Variants in LYPD6 observed in about 807,000 individuals in gnomAD.
LYPD6 encodes the protein ly6/PLAUR domain-containing protein 6.
Under a neutral mutation model 22.7 loss-of-function variants are expected in LYPD6, and 15 were observed. The observed-to-expected ratio is 0.66, with a 90% CI of 0.44 to 1.02. The LOEUF (loss-of-function observed/expected upper bound fraction) is 1.02, where lower values mean the gene tolerates loss of function less well. LYPD6 is among the 50% of genes least tolerant of loss of function. The probability of loss-of-function intolerance (pLI) is 0.00; values close to 1 mark genes in which losing one functional copy is unlikely to be tolerated. For missense variants in LYPD6, 189 were observed against 208.4 expected, an observed-to-expected ratio of 0.91 and a Z score of 0.57; for synonymous variants, 72 against 77.5, an observed-to-expected ratio of 0.93 and a Z score of 0.37.
At chr2:149,482,622 A>C in the LYPD6 span, among the ~76,000 whole-genome samples, 1 of 152,126 alleles carries the variant, frequency 6.6e-6, no homozygotes. Flanking sequence ...TATTCCAATA[A>C]AGTTTTATGT....
intron 1 of LYPD6, among the ~76,000 whole-genome samples, chr2:149,408,754 G>A (rs960956663): frequency 6.6e-6 from 1 of 152,120 alleles, no homozygotes; most frequent in Admixed American, 6.5e-5. Context: ...ATTTACAGAA[G>A]GTGTGATTGT....
chr2:149,332,900 T>C (rs1680964619), intron 1 of LYPD6, among the ~76,000 whole-genome samples: 1 of 152,210 alleles, frequency 6.6e-6, no homozygotes, highest in African/African-American at 2.4e-5. Flanking sequence ...TTTTTGCTAA[T>C]GAGTTGTTAA....
chr2:149,428,181 T>A (rs1172283516), intron 1 of LYPD6, among the ~76,000 whole-genome samples: 4 of 152,212 alleles, frequency 2.6e-5, no homozygotes, highest in Admixed American at 2.6e-4. Flanking sequence ...TGATAAGGCT[T>A]AAAGAAATAT....
intron 2 of LYPD6, among the ~76,000 whole-genome samples, chr2:149,445,336 T>C (rs1683664386): frequency 6.6e-6 from 1 of 152,236 alleles, no homozygotes; most frequent in African/African-American, 2.4e-5. Flanking sequence ...AAATTAGCAT[T>C]GGCTTCAATT....
intron 1 of LYPD6, among the ~76,000 whole-genome samples, chr2:149,436,634 C>A (rs1558807367): frequency 6.6e-6 from 1 of 152,076 alleles, no homozygotes; most frequent in Non-Finnish European, 1.5e-5. Context: ...GGCTGGAGTG[C>A]AATGGCACAA....
intron 1 of LYPD6, among the ~76,000 whole-genome samples, chr2:149,331,003 G>A (rs1573721612): frequency 6.6e-6 from 1 of 152,324 alleles, no homozygotes; most frequent in South Asian, 2.1e-4. Context: ...GAAAGGTCAG[G>A]AGCTGCCAAG....
intron 1 of LYPD6, among the ~76,000 whole-genome samples, chr2:149,427,200 A>G (rs557227952): frequency 1.3e-5 from 2 of 152,342 alleles, no homozygotes; most frequent in South Asian, 2.1e-4. Flanking sequence ...TTTTGAATGT[A>G]AGAACAGACC....
chr2:149,375,061 A>G (rs1681887599), intron 1 of LYPD6, among the ~76,000 whole-genome samples: 1 of 152,196 alleles, frequency 6.6e-6, no homozygotes, highest in African/African-American at 2.4e-5. Context: ...GGGGTTGTCC[A>G]TGATTCATCA....
intron 1 of LYPD6, among the ~76,000 whole-genome samples, chr2:149,351,998 T>A (rs1681367377): frequency 6.6e-6 from 1 of 152,094 alleles, no homozygotes; most frequent in South Asian, 2.1e-4. Flanking sequence ...CTGTCCCAGT[T>A]GAATTTGCTG....
intron 1 of LYPD6, among the ~76,000 whole-genome samples, chr2:149,399,005 TC>T (rs774478567): frequency 6.6e-6 from 1 of 152,122 alleles, no homozygotes; most frequent in Non-Finnish European, 1.5e-5. Context: ...GAAGATGACT[TC>T]CTTTATTCAT....
chr2:149,344,139 G>A (rs1044648488), intron 1 of LYPD6, among the ~76,000 whole-genome samples: 1 of 152,134 alleles, frequency 6.6e-6, no homozygotes, highest in African/African-American at 2.4e-5. Context: ...TTCTGTGAAT[G>A]TACAATTAGT....
At chr2:149,373,785 A>G (rs1189919966) in intron 1 of LYPD6, among the ~76,000 whole-genome samples, 2 of 152,204 alleles carry the variant, frequency 1.3e-5, no homozygotes, top group Non-Finnish European at 2.9e-5. Flanking sequence ...TGCTTTAGTC[A>G]TGTATTCAAA....
chr2:149,375,370 G>T (rs577433560), intron 1 of LYPD6, among the ~76,000 whole-genome samples: 5 of 152,134 alleles, frequency 3.3e-5, no homozygotes, highest in African/African-American at 1.2e-4. Flanking sequence ...GAACACTTGA[G>T]TGAGAGGTTT....
chr2:149,475,559 A>G (rs1453896253), downstream of LYPD6, among the ~76,000 whole-genome samples: 2 of 152,190 alleles, frequency 1.3e-5, no homozygotes, highest in Non-Finnish European at 2.9e-5. Flanking sequence ...GTAAAAAATT[A>G]TGGCCTTTCT....
At chr2:149,443,415 G>A (rs190061749) in intron 2 of LYPD6, among the ~76,000 whole-genome samples, 4 of 152,288 alleles carry the variant, frequency 2.6e-5, no homozygotes, top group South Asian at 2.1e-4. Context: ...GAAGTGGTAC[G>A]AGTAGCTTGC....
chr2:149,350,838 AGCACAGAGTGGACAGAT>A (rs751238095), intron 1 of LYPD6, among the ~76,000 whole-genome samples: 32 of 152,224 alleles, frequency 2.1e-4, no homozygotes, highest in Non-Finnish European at 4.4e-4. Context: ...GGCTTTCTGG[AGCACAGAGTGGACAGAT>A]GCCCACACTA....
At chr2:149,349,965 A>G (rs914343197) in intron 1 of LYPD6, among the ~76,000 whole-genome samples, 14 of 152,176 alleles carry the variant, frequency 9.2e-5, no homozygotes, top group African/African-American at 2.9e-4. Flanking sequence ...TATATATGCT[A>G]TGTTACCTAG....
At chr2:149,388,785 T>C (rs1168802903) in intron 1 of LYPD6, among the ~76,000 whole-genome samples, 1 of 152,206 alleles carries the variant, frequency 6.6e-6, no homozygotes, top group Non-Finnish European at 1.5e-5. Flanking sequence ...TTCTCTGTGT[T>C]GGTATTTTAT....
chr2:149,403,734 T>A (rs1395472791), intron 1 of LYPD6, among the ~76,000 whole-genome samples: 1 of 152,088 alleles, frequency 6.6e-6, no homozygotes, highest in East Asian at 1.9e-4. Context: ...CTCTTTAGTT[T>A]AATTAGATCC....
Sources: allele counts gnomAD v4.1 joint callset (sites outside exome capture counted in the v4.1 genomes callset), GRCh38; gene constraint gnomAD v4.1.1; transcripts MANE v1.5; gene names NCBI Gene and HGNC (gene_info 2026-07-23, HGNC 2026-07-21).